ADK: variants seen among roughly 807,000 people sequenced by gnomAD.
The protein encoded by ADK is adenosine kinase.
A neutral mutation model predicts 44.7 loss-of-function variants in ADK; 24 were observed. That is an observed-to-expected ratio of 0.54 (90% CI 0.39 to 0.76). ADK has a LOEUF of 0.76. Among genes scored for constraint, ADK ranks in the 30% least tolerant of loss-of-function variants. The pLI, the probability that ADK is intolerant of heterozygous loss-of-function variation, is 0.00. For missense variants in ADK, 321 were observed against 425.1 expected (o/e 0.76, Z 2.15); for synonymous variants, 128 against 142.6 (o/e 0.90, Z 0.73).
intron 9 of ADK, among the ~76,000 whole-genome samples, chr10:74,612,271 T>A (rs1042909342): frequency 2.6e-5 from 4 of 152,098 alleles, no homozygotes; most frequent in African/African-American, 9.7e-5. Context: ...TTCCCATTTT[T>A]AAAAATTGTA....
Position 74,670,270 on chromosome 10 carries a change from G to T in ADK, c.964+1G>T. ...GGAGCTGGAGATGCATTTGTTGGAGGTACAGACTAATTTATTTCATTCTTA... is the reference window on the plus strand; with the variant it reads ...GGAGCTGGAGATGCATTTGTTGGAGTTACAGACTAATTTATTTCATTCTTA... On this transcript the variant is annotated splice_donor_variant, in intron 10 of 10. Coordinates refer to ENST00000539909, the MANE Select transcript of ADK (RefSeq NM_006721.4). LOFTEE classifies it high-confidence loss of function. 1 of 1,609,226 alleles carries T rather than the reference G, an allele frequency of 6.2e-7. No individual in the cohort carries two copies. Among genetic ancestry groups the T allele is most frequent in the South Asian group, 1.1e-5 (1 of 90,960 alleles).
intron 3 of ADK, among the ~76,000 whole-genome samples, chr10:74,298,335 G>GGAGAGCTAT (rs908263511): frequency 2.0e-5 from 3 of 152,182 alleles, no homozygotes; most frequent in Admixed American, 6.5e-5. Context: ...AGCAAAGCAA[G>GGAGAGCTAT]GAGAGCTATT....
At chr10:74,494,703 C>T (rs1032133783) in intron 6 of ADK, among the ~76,000 whole-genome samples, 9 of 151,904 alleles carry the variant, frequency 5.9e-5, no homozygotes, top group Non-Finnish European at 1.2e-4. Flanking sequence ...CACTCTGTTG[C>T]CCAGGCTGGA....
intron 6 of ADK, among the ~76,000 whole-genome samples, chr10:74,400,912 C>T (rs974025627): frequency 2.0e-5 from 3 of 152,194 alleles, no homozygotes; most frequent in Non-Finnish European, 2.9e-5. Flanking sequence ...TCATTTTCTT[C>T]ACCATATAAT....
At chr10:74,358,031 T>G (rs1468922876) in intron 4 of ADK, among the ~76,000 whole-genome samples, 1 of 152,230 alleles carries the variant, frequency 6.6e-6, no homozygotes, top group Non-Finnish European at 1.5e-5. Context: ...CTTCTAGAAT[T>G]TTTTAACTAA....
chr10:74,697,097 C>G (rs1313901375), intron 10 of ADK, among the ~76,000 whole-genome samples: 1 of 152,040 alleles, frequency 6.6e-6, no homozygotes, highest in Non-Finnish European at 1.5e-5. Context: ...AATGTTTAAA[C>G]TCTACATAGG....
chr10:74,394,838 C>T (rs1180870929), intron 5 of ADK, among the ~76,000 whole-genome samples: 2 of 152,150 alleles, frequency 1.3e-5, no homozygotes, highest in East Asian at 3.9e-4. Flanking sequence ...TGAATAAACT[C>T]AGTCGTGGGT....
At chr10:74,603,721 T>C (rs965043369) in intron 9 of ADK, among the ~76,000 whole-genome samples, 6 of 152,226 alleles carry the variant, frequency 3.9e-5, no homozygotes, top group African/African-American at 1.4e-4. Flanking sequence ...TGTGTGTATG[T>C]GTCTTTATAG....
rs1389091385 is a variant in ADK at position 74,380,163 on chromosome 10, T to G, written c.274-13978T>G. ...TTTTTGTTTGCTATGCTTTGCATTT[T>G]ATATTGTGTGGAATCTCCATGAAAA... On this transcript the variant is annotated intron_variant, in intron 4 of 10. Coordinates refer to ENST00000539909, the MANE Select transcript of ADK (RefSeq NM_006721.4). 4.6e-5 allele frequency among the ~76,000 whole-genome samples: 7 copies of G among 152,374 alleles called. No homozygotes were observed. In the East Asian group the frequency reaches 1.3e-3, roughly 29 times the overall value.
At chr10:74,546,809 C>T (rs572330813) in intron 7 of ADK, among the ~76,000 whole-genome samples, 56 of 151,982 alleles carry the variant, frequency 3.7e-4, no homozygotes, top group African/African-American at 1.2e-3. Flanking sequence ...TTATAGACAT[C>T]AAAATTGACA....
chr10:74,458,280 A>G (rs1400505574), intron 6 of ADK, among the ~76,000 whole-genome samples: 2 of 141,832 alleles, frequency 1.4e-5, no homozygotes, highest in African/African-American at 2.6e-5. Flanking sequence ...AAAGGCGTGC[A>G]CCACCACTCC....
At chr10:74,425,646 G>T (rs1844766428) in intron 6 of ADK, among the ~76,000 whole-genome samples, 1 of 152,202 alleles carries the variant, frequency 6.6e-6, no homozygotes, top group Non-Finnish European at 1.5e-5. Context: ...CAACTCCAGT[G>T]TATCACTGCC....
chr10:74,470,979 G>A (rs1381456745), intron 6 of ADK, among the ~76,000 whole-genome samples: 1 of 151,640 alleles, frequency 6.6e-6, no homozygotes, highest in Non-Finnish European at 1.5e-5. Context: ...TAAGGTAAGG[G>A]TCTAACTTTA....
intron 6 of ADK, among the ~76,000 whole-genome samples, chr10:74,413,613 C>G (rs1418724558): frequency 2.0e-5 from 3 of 152,200 alleles, no homozygotes; most frequent in African/African-American, 7.2e-5. Flanking sequence ...GTTTGATGTT[C>G]TATACAGACC....
rs79740540 is a variant in ADK, at chr10:74,374,910, G to A, written c.274-19231G>A. Among the ~76,000 whole-genome samples the A allele has an allele frequency of 9.9e-3, 1,501 of 151,860 alleles. 11 individuals are homozygous for A. Among genetic ancestry groups the A allele is most frequent in the Non-Finnish European group, 0.017 (1,156 of 67,916 alleles). The stretch of plus-strand genomic sequence containing the variant: ...TTGGTGCTTTCCAAGTTTTTTGTTC[G>A]TACCTTTATTATAACACTCCTCGTA... On this transcript the variant is annotated intron_variant, in intron 4 of 10. Coordinates refer to ENST00000539909, the MANE Select transcript of ADK (RefSeq NM_006721.4).
At chr10:74,277,978 G>T (rs1221542767) in intron 3 of ADK, among the ~76,000 whole-genome samples, 2 of 151,922 alleles carry the variant, frequency 1.3e-5, no homozygotes, top group Non-Finnish European at 2.9e-5. Context: ...ACATATTCAA[G>T]CTTGTTAATT....
At chr10:74,203,673 C>T (rs1054858297) in intron 2 of ADK, among the ~76,000 whole-genome samples, 1 of 151,942 alleles carries the variant, frequency 6.6e-6, no homozygotes, top group African/African-American at 2.4e-5. Context: ...CCATACCTGG[C>T]CTGTACGACA....
chr10:74,645,762 T>C (rs769962369), intron 9 of ADK, among the ~76,000 whole-genome samples: 2 of 152,254 alleles, frequency 1.3e-5, no homozygotes, highest in African/African-American at 2.4e-5. Flanking sequence ...GTCTAATACA[T>C]TGTTGTCAGT....
intron 4 of ADK, among the ~76,000 whole-genome samples, chr10:74,355,059 G>T (rs765005750): frequency 7.9e-5 from 12 of 152,116 alleles, no homozygotes; most frequent in Non-Finnish European, 1.5e-4. Flanking sequence ...ACAGGGTCTT[G>T]CTCTGTCTCC....
Sources: allele counts gnomAD v4.1 joint callset (sites outside exome capture counted in the v4.1 genomes callset), GRCh38; gene constraint gnomAD v4.1.1; transcripts MANE v1.5; gene names NCBI Gene and HGNC (gene_info 2026-07-23, HGNC 2026-07-21).